The following STIL variants were observed in gnomAD, a reference collection of about 807,000 sequenced individuals.
STIL encodes the protein SCL-interrupting locus protein.
In STIL, 55 loss-of-function variants were observed where a neutral mutation model predicts 110.1. The ratio of observed to expected loss-of-function variants is 0.50; its 90% CI spans 0.40 to 0.63. The LOEUF (loss-of-function observed/expected upper bound fraction) is 0.63, where lower values mean the gene tolerates loss of function less well. Among genes scored for constraint, STIL ranks in the 20% least tolerant of loss-of-function variants. The probability of loss-of-function intolerance (pLI) is 0.00; values close to 1 mark genes in which losing one functional copy is unlikely to be tolerated. For missense variants in STIL, 1,358 were observed against 1,530.0 expected (o/e 0.89, Z 1.87); for synonymous variants, 481 against 530.0 (o/e 0.91, Z 1.27).
At chr1:47,314,889 G>A (rs560892940), upstream of STIL, among the ~76,000 whole-genome samples, 1 of 147,602 alleles carries the variant, frequency 6.8e-6, no homozygotes, top group South Asian at 2.2e-4. Flanking sequence ...CCACCACCAC[G>A]CCCGGCTAAT....
At chr1:47,263,708 T>C (rs1361939944) in intron 14 of STIL, among the ~76,000 whole-genome samples, 3 of 151,854 alleles carry the variant, frequency 2.0e-5, no homozygotes, top group Non-Finnish European at 2.9e-5. Context: ...TTTTAGAGCA[T>C]TTAAATATTT....
chr1:47,287,622 T>C lies in STIL; in HGVS notation c.1062A>G (p.Glu354=). ...CTGCATTTTGGCTTTCAGCGCTCAG[T>C]TCACAACGGATTGGATTTTTGTCAG... is the stretch of plus-strand genomic sequence containing the variant. The part of the protein sequence containing the change: ...EPPDKNPIRC[E]LSAESQNAET... Residue 354 remains glutamate (E), a synonymous_variant, in exon 10 of 17, where the codon GAA becomes GAG. Transcript: ENST00000371877. 1.9e-6 allele frequency: 3 copies of C among 1,613,692 alleles called. No homozygotes were observed. Among genetic ancestry groups the C allele is most frequent in the Middle Eastern group, 1.7e-4 (1 of 6,050 alleles).
chr1:47,253,445 G>A lies in STIL; in HGVS notation c.3081-1523C>T, dbSNP rs115905408. 8.0e-3 allele frequency among the ~76,000 whole-genome samples: 1,214 copies of A among 152,238 alleles called. 13 individuals carry two copies. The highest frequency in any genetic ancestry group is 0.027 in the African/African-American group (1,140 of 41,542). ...CCCACTGCAGTATCCTCGATGCCTG[G>A]ACACACATAGTAGGCACTCAGTAAG... On this transcript the variant is annotated intron_variant, in intron 16 of 16. Coordinates refer to ENST00000371877, the MANE Select transcript of STIL (RefSeq NM_001048166.1).
At position 47,301,752 on chromosome 1, in the gene STIL, T is replaced by C; in HGVS notation, c.266-4A>G. On this transcript the variant is annotated splice_region_variant and splice_polypyrimidine_tract_variant and intron_variant, in intron 4 of 16. Coordinates refer to ENST00000371877, the MANE Select transcript of STIL (RefSeq NM_001048166.1). ...GTCAATGTTACACCTTCTTCATCTG[T>C]AGAACAAAAATAACAGCTATTATAC... 6.2e-7 allele frequency: 1 copy of C among 1,613,508 alleles called. No individual in the cohort carries two copies. The highest frequency in any genetic ancestry group is 1.3e-5 in the African/African-American group (1 of 75,016).
At chr1:47,254,529 GT>G (rs144518020) in intron 16 of STIL, among the ~76,000 whole-genome samples, 38,906 of 149,042 alleles carry the variant, frequency 0.26, 5,320 homozygotes, top group Non-Finnish European at 0.32. Context: ...TCTAATTTGG[GT>G]TTTTTTTTTG....
At chr1:47,307,105 CA>C (rs1645981654) in intron 2 of STIL, among the ~76,000 whole-genome samples, 1 of 152,180 alleles carries the variant, frequency 6.6e-6, no homozygotes, top group Non-Finnish European at 1.5e-5. Context: ...GAGCCAAGAT[CA>C]CGCCACCCCA....
intron 10 of STIL, among the ~76,000 whole-genome samples, chr1:47,285,448 A>T (rs74569654): frequency 0.033 from 4,952 of 152,164 alleles, 256 homozygotes; most frequent in African/African-American, 0.11. Flanking sequence ...GAACCCTAAT[A>T]CAAGATAATA....
intron 7 of STIL, 89 bp downstream of exon 7, chr1:47,295,675 TA>T: frequency 1.1e-6 from 1 of 900,710 alleles, no homozygotes; most frequent in Non-Finnish European, 1.8e-6. Flanking sequence ...TAAAATGATC[TA>T]AATATTTATA....
chr1:47,289,630 T>A, intron 8 of STIL, 45 bp from the exon 9 acceptor site: 1 of 1,525,956 alleles, frequency 6.6e-7, no homozygotes, highest in Non-Finnish European at 9.1e-7. Flanking sequence ...GAGGATAACA[T>A]GATGACACTC....
intron 7 of STIL, among the ~76,000 whole-genome samples, chr1:47,293,941 C>T (rs1308772330): frequency 2.0e-5 from 3 of 152,200 alleles, no homozygotes; most frequent in Non-Finnish European, 4.4e-5. Flanking sequence ...CCTAAAACTA[C>T]TTCACAGAGT....
chr1:47,275,976 A>G (rs1644979018), intron 12 of STIL, among the ~76,000 whole-genome samples: 1 of 148,984 alleles, frequency 6.7e-6, no homozygotes, highest in Non-Finnish European at 1.5e-5. Flanking sequence ...TTCTAAACAT[A>G]AAACCCAGAA....
rs1040781456 is a variant in STIL, at chr1:47,302,333, C to G, written c.166G>C (p.Val56Leu). ...AGTCGGATGGTCTTCTCAGTCACCACAAGCTTTGGATTTCTGAAAAACAAC... is the reference window on the plus strand; with the variant it reads ...AGTCGGATGGTCTTCTCAGTCACCAGAAGCTTTGGATTTCTGAAAAACAAC... ...HLSYYRNPKLVVTEKTIRLAY... is the reference protein window; with the variant it reads ...HLSYYRNPKLLVTEKTIRLAY... Residue 56 changes from valine (V) to leucine (L), a missense_variant, in exon 4 of 17, where the codon GTG (valine) becomes CTG (leucine). Val to Leu is a conservative substitution (Grantham distance 32). Transcript: ENST00000371877. 1.9e-6 allele frequency: 3 copies of G among 1,613,852 alleles called. No homozygotes were observed. The highest frequency in any genetic ancestry group is 4.5e-5 in the East Asian group (2 of 44,890).
chr1:47,271,029 A>T (rs1644820014), intron 13 of STIL, among the ~76,000 whole-genome samples: 1 of 152,090 alleles, frequency 6.6e-6, no homozygotes, highest in Non-Finnish European at 1.5e-5. Flanking sequence ...AGCTATTTGC[A>T]TGTAATATTG....
chr1:47,305,053 T>C (rs763952021), intron 2 of STIL, 57 bp from the exon 3 acceptor site: 3 of 1,263,868 alleles, frequency 2.4e-6, no homozygotes, highest in Admixed American at 1.8e-5. Context: ...TGGTAGACAT[T>C]TGGTAGGAAA....
chr1:47,307,216 G>A (rs1049005832), intron 2 of STIL, among the ~76,000 whole-genome samples: 7 of 152,122 alleles, frequency 4.6e-5, no homozygotes, highest in Non-Finnish European at 1.0e-4. Context: ...AGTTACTCAG[G>A]AGGCTGAGGC....
chr1:47,297,058 G>A (rs1421166829), intron 6 of STIL, among the ~76,000 whole-genome samples: 1 of 152,134 alleles, frequency 6.6e-6, no homozygotes, highest in East Asian at 1.9e-4. Context: ...AATTAGTTCA[G>A]GCTGGCTGGG....
chr1:47,310,350 A>T lies in STIL; in HGVS notation c.-31T>A. 1.9e-6 allele frequency: 3 copies of T among 1,594,654 alleles called. No homozygotes were observed. Among genetic ancestry groups the T allele is most frequent in the Non-Finnish European group, 2.6e-6 (3 of 1,163,288 alleles). On this transcript the variant is annotated 5_prime_UTR_variant, in exon 2 of 17. It adds an upstream start codon to the 5' untranslated region. Coordinates refer to ENST00000371877, the MANE Select transcript of STIL (RefSeq NM_001048166.1). Reference sequence around the variant, plus strand: ...CTGGTGAATGATTTCTTTAATTCCAAATCCTCAGTATCCTAAAGAATTAAA... The same window carrying T: ...CTGGTGAATGATTTCTTTAATTCCATATCCTCAGTATCCTAAAGAATTAAA...
chr1:47,312,409 C>T (rs186851875), intron 1 of STIL, among the ~76,000 whole-genome samples: 98 of 151,484 alleles, frequency 6.5e-4, no homozygotes, highest in South Asian at 1.3e-3. Context: ...GTGGAGATTT[C>T]GTCACTGCCC....
At chr1:47,256,639 AT>A (rs200596698) in intron 16 of STIL, among the ~76,000 whole-genome samples, 2,682 of 147,650 alleles carry the variant, frequency 0.018, 83 homozygotes, top group African/African-American at 0.065. Flanking sequence ...AAAAAAAAAA[AT>A]CTTGCTGAAA....
Sources: gnomAD v4.1 joint callset for allele counts (sites outside exome capture counted in the v4.1 genomes callset) on GRCh38, gnomAD v4.1.1 for gene constraint, MANE v1.5 for transcripts, NCBI Gene and HGNC (gene_info 2026-07-23, HGNC 2026-07-21) for gene names.